The following PDZRN4 variants were observed in gnomAD, a reference collection of about 807,000 sequenced individuals.
PDZRN4 encodes PDZ domain containing ring finger 4, also known as PDZ domain-containing RING finger protein 4.
A neutral mutation model predicts 99.0 loss-of-function variants in PDZRN4; 70 were observed. The observed-to-expected ratio is 0.71, with a 90% CI of 0.58 to 0.86. PDZRN4 has a LOEUF of 0.86. Ranked by LOEUF, PDZRN4 falls within the 40% of genes least tolerant of loss-of-function variation. PDZRN4 has a pLI of 0.00. For synonymous variants in PDZRN4, 551 were observed against 501.6 expected (o/e 1.10, Z -1.32); for missense variants, 1,474 against 1,331.2 (o/e 1.11, Z -1.67).
chr12:41,373,503 C>T (rs530557902), intron 3 of PDZRN4, among the ~76,000 whole-genome samples: 7 of 152,200 alleles, frequency 4.6e-5, no homozygotes, highest in African/African-American at 1.7e-4. Flanking sequence ...AATATTTTTC[C>T]CATTTGCTTT....
chr12:41,246,619 G>A (rs1156484390), intron 3 of PDZRN4, among the ~76,000 whole-genome samples: 1 of 152,068 alleles, frequency 6.6e-6, no homozygotes, highest in East Asian at 1.9e-4. Context: ...TGGCATTTTG[G>A]TGAGATCAAC....
chr12:41,327,413 ATTGT>A (rs1469754269), intron 3 of PDZRN4, among the ~76,000 whole-genome samples: 1 of 152,174 alleles, frequency 6.6e-6, no homozygotes, highest in East Asian at 1.9e-4. Flanking sequence ...GCTACAGCAC[ATTGT>A]TTGGAATTTA....
intron 3 of PDZRN4, among the ~76,000 whole-genome samples, chr12:41,348,712 G>A (rs1323104610): frequency 6.6e-6 from 1 of 152,016 alleles, no homozygotes; most frequent in Non-Finnish European, 1.5e-5. Context: ...TTGTATGATT[G>A]AGTTGCAAGC....
intron 3 of PDZRN4, among the ~76,000 whole-genome samples, chr12:41,433,488 C>A (rs535271667): frequency 1.3e-5 from 2 of 152,262 alleles, no homozygotes; most frequent in Admixed American, 1.3e-4. Context: ...TTCAAAAGCA[C>A]GTAAGTATCT....
rs1415339358 is a variant in PDZRN4 at position 41,555,712 on chromosome 12, C to T, written c.1317C>T (p.Ser439=). 6.2e-7 allele frequency: 1 copy of T among 1,613,916 alleles called. No individual in the cohort carries two copies. The highest frequency in any genetic ancestry group is 1.7e-5 in the Admixed American group (1 of 60,016). ...GIYVSEVDPN[S]IAAKDGRIRE... Reference sequence around the variant, plus strand: ...CTTCATTACAGGTTGACCCAAATAGCATTGCTGCCAAAGACGGCCGGATTC... The same window carrying T: ...CTTCATTACAGGTTGACCCAAATAGTATTGCTGCCAAAGACGGCCGGATTC... The change falls in exon 7 of 10, where the codon AGC becomes AGT. Residue 439 remains serine (S), a synonymous_variant. Transcript: ENST00000402685.
At chr12:41,426,808 CTTACATGTAGACTTAGAA>C (rs1294181953) in intron 3 of PDZRN4, among the ~76,000 whole-genome samples, 1 of 152,068 alleles carries the variant, frequency 6.6e-6, no homozygotes, top group East Asian at 1.9e-4. Flanking sequence ...AGTTTAATAC[CTTACATGTAGACTTAGAA>C]GGAAGGAATG....
At chr12:41,336,361 G>A (rs1346771983) in intron 3 of PDZRN4, among the ~76,000 whole-genome samples, 3 of 152,090 alleles carry the variant, frequency 2.0e-5, no homozygotes, top group Non-Finnish European at 4.4e-5. Flanking sequence ...TTACTGCTGA[G>A]TCAGATACTC....
chr12:41,189,128 C>T, intron 1 of PDZRN4, 25 bp downstream of exon 1: 1 of 1,566,542 alleles, frequency 6.4e-7, no homozygotes. Flanking sequence ...GTGGGCACCG[C>T]GGGCATGGTC....
At chr12:41,245,148 G>A (rs891564376) in intron 3 of PDZRN4, among the ~76,000 whole-genome samples, 1 of 152,032 alleles carries the variant, frequency 6.6e-6, no homozygotes, top group Non-Finnish European at 1.5e-5. Context: ...GTATTTCATA[G>A]CATTCTCATC....
chr12:41,214,285 C>T (rs1485945336), intron 3 of PDZRN4, among the ~76,000 whole-genome samples: 3 of 134,594 alleles, frequency 2.2e-5, no homozygotes, highest in Non-Finnish European at 4.7e-5. Flanking sequence ...AAAAGTTAAC[C>T]AGGCATGGTG....
intron 3 of PDZRN4, among the ~76,000 whole-genome samples, chr12:41,482,005 T>C (rs1937680705): frequency 6.6e-6 from 1 of 152,162 alleles, no homozygotes; most frequent in African/African-American, 2.4e-5. Context: ...ACAACTAACA[T>C]ACCCCACGAA....
chr12:41,231,325 G>A (rs1267434804), intron 3 of PDZRN4, among the ~76,000 whole-genome samples: 1 of 152,016 alleles, frequency 6.6e-6, no homozygotes, highest in African/African-American at 2.4e-5. Context: ...TGTGCCATCA[G>A]CATTAAAAAC....
intron 3 of PDZRN4, among the ~76,000 whole-genome samples, chr12:41,460,948 C>T (rs906748138): frequency 6.6e-6 from 1 of 152,114 alleles, no homozygotes; most frequent in Non-Finnish European, 1.5e-5. Flanking sequence ...CCATCTGATC[C>T]CTACATATAC....
Position 41,573,531 on chromosome 12 carries a change from A to G in PDZRN4, c.2752A>G (p.Ile918Val), listed in dbSNP as rs1939522415. 1 of 1,613,918 alleles carries G rather than the reference A, an allele frequency of 6.2e-7. No homozygotes were observed. The highest frequency in any genetic ancestry group is 1.1e-5 in the South Asian group (1 of 91,080). The change falls in exon 10 of 10, where the codon ATC becomes GTC. Residue 918 changes from isoleucine to valine, a missense_variant. Coordinates refer to ENST00000402685, the MANE Select transcript of PDZRN4 (RefSeq NM_001164595.2). The stretch of plus-strand genomic sequence containing the variant: ...AATCCTGAAGGAACGTGCCTTAAAG[A>G]TCAAGGAAGAGCGGAGTGGCATGAC... ...DRILKERALK[I>V]KEERSGMTTD...
chr12:41,491,006 C>A (rs2120628571), intron 3 of PDZRN4, among the ~76,000 whole-genome samples: 1 of 152,254 alleles, frequency 6.6e-6, no homozygotes, highest in East Asian at 1.9e-4. Context: ...CATTTCAAGG[C>A]AAGCATGAGC....
intron 3 of PDZRN4, among the ~76,000 whole-genome samples, chr12:41,210,593 A>T (rs1489275941): frequency 6.6e-6 from 1 of 152,014 alleles, no homozygotes; most frequent in African/African-American, 2.4e-5. Context: ...TATAAGAAAT[A>T]CTTTAAATTA....
chr12:41,351,117 A>G (rs1951886790), intron 3 of PDZRN4, among the ~76,000 whole-genome samples: 2 of 152,176 alleles, frequency 1.3e-5, no homozygotes, highest in African/African-American at 4.8e-5. Flanking sequence ...TCAATGAAAT[A>G]TATGACTTGA....
intron 3 of PDZRN4, among the ~76,000 whole-genome samples, chr12:41,495,055 C>G (rs1937969080): frequency 6.6e-6 from 1 of 151,996 alleles, no homozygotes; most frequent in Admixed American, 6.6e-5. Context: ...GGTAACATAC[C>G]TTTCTAAGTT....
intron 3 of PDZRN4, among the ~76,000 whole-genome samples, chr12:41,222,080 G>A (rs1591973930): frequency 6.6e-6 from 1 of 152,122 alleles, no homozygotes; most frequent in African/African-American, 2.4e-5. Flanking sequence ...GGTGGTGGTG[G>A]GTTGGCACCA....
Sources: allele counts gnomAD v4.1 joint callset (sites outside exome capture counted in the v4.1 genomes callset), GRCh38; gene constraint gnomAD v4.1.1; transcripts MANE v1.5; gene names NCBI Gene and HGNC (gene_info 2026-07-23, HGNC 2026-07-21).